Variants in CD163L1 observed in about 807,000 individuals in gnomAD.
The protein encoded by CD163L1 is CD163 molecule like 1, also known as scavenger receptor cysteine-rich type 1 protein M160.
A neutral mutation model predicts 165.4 loss-of-function variants in CD163L1; 124 were observed. The observed-to-expected ratio is 0.75, with a 90% CI of 0.65 to 0.87. The LOEUF is 0.87. CD163L1 is among the 40% of genes least tolerant of loss of function. The pLI, the probability that CD163L1 is intolerant of heterozygous loss-of-function variation, is 0.00. For synonymous variants in CD163L1, 585 were observed against 662.2 expected, an observed-to-expected ratio of 0.88 and a Z score of 1.79; for missense variants, 1,525 against 1,799.9, an observed-to-expected ratio of 0.85 and a Z score of 2.76.
chr12:7,374,362 C>T lies in CD163L1; in HGVS notation c.3409+80G>A. 1.4e-6 allele frequency: 2 copies of T among 1,438,238 alleles called. No homozygotes were observed. The allele number at this position is 1,438,238 out of a possible 1,614,324, so 89.1% of individuals were successfully genotyped here. A position where few individuals can be genotyped will look rare whatever the true frequency, so the allele number is the denominator to read the frequency against. ...GTATTCCTAGGCCATACACTTTTCA[C>T]TACACTTTACAATTGTGTTGTGTGT... On this transcript the variant is annotated intron_variant, in intron 13 of 19. Coordinates refer to ENST00000313599, the MANE Select transcript of CD163L1 (RefSeq NM_174941.6). This position sits in a 1 kb window ranked among gnomAD's most constrained non-coding sequence, Gnocchi z 5.4.
At chr12:7,421,510 TATACATATATGTACATATATACATATAC>T (rs1948413479) in intron 4 of CD163L1, among the ~76,000 whole-genome samples, 1 of 127,308 alleles carries the variant, frequency 7.9e-6, no homozygotes, top group Non-Finnish European at 1.6e-5. Flanking sequence ...TACATATACA[TATACATATATGTACATATATACATATAC>T]GTACACATAT....
Position 7,433,550 on chromosome 12 carries a change from C to G in CD163L1, c.269G>C (p.Gly90Ala), listed in dbSNP as rs748137819. 1 of 1,614,126 alleles carries G rather than the reference C, an allele frequency of 6.2e-7. No individual in the cohort carries two copies. The highest frequency in any genetic ancestry group is 2.2e-5 in the East Asian group (1 of 44,890). ...TASTVVCKQL[G>A]CPFSFAMFRF... ...AAACATGGCGAAAGAAAATGGACAT[C>G]CAAGCTGTTTGCACACGACAGTTGA... The change falls in exon 3 of 20, where the codon GGA (glycine) becomes GCA (alanine). Residue 90 changes from glycine (G) to alanine (A), a missense_variant. By Grantham distance (60) the Gly-to-Ala change is moderately conservative. Transcript: ENST00000313599.
At chr12:7,352,070 A>C (rs948326252), downstream of CD163L1, among the ~76,000 whole-genome samples, 1 of 152,188 alleles carries the variant, frequency 6.6e-6, no homozygotes, top group Non-Finnish European at 1.5e-5. Flanking sequence ...GAATGGATTT[A>C]AAAATAACTT....
Position 7,406,834 on chromosome 12 carries a change from A to G in CD163L1, c.785T>C (p.Leu262Pro). ...LTCYDSSDLELRLVGGTNRCM... is the reference protein window; with the variant it reads ...LTCYDSSDLEPRLVGGTNRCM... The stretch of plus-strand genomic sequence containing the variant: ...GCGGTTAGTTCCACCTACAAGCCTT[A>G]GTTCAAGATCACTACTATCTGAAAC... Residue 262 changes from leucine to proline, a missense_variant, in exon 5 of 20, where the codon CTA becomes CCA. By Grantham distance (98) the Leu-to-Pro change is moderately conservative. Coordinates refer to ENST00000313599, the MANE Select transcript of CD163L1 (RefSeq NM_174941.6). The G allele has an allele frequency of 3.1e-6, 5 of 1,614,000 alleles. No individual in the cohort carries two copies. The highest frequency in any genetic ancestry group is 4.2e-6 in the Non-Finnish European group (5 of 1,179,954).
rs898721859 is a variant in CD163L1, at chr12:7,396,132, G to C, written c.2013C>G (p.Asp671Glu). ...CTCCAACATCTTCACTGTGACTGCA[G>C]TCATTATTTCCCCACCCACTGTTCC... ...SCRNSGWGNN[D>E]CSHSEDVGVI... is the part of the protein sequence containing the mutation. Residue 671 changes from aspartate (D) to glutamate (E), a missense_variant, in exon 8 of 20, where the codon GAC becomes GAG. Transcript: ENST00000313599. 1 of 1,613,946 alleles carries C rather than the reference G, an allele frequency of 6.2e-7. No homozygotes were observed. Among genetic ancestry groups the C allele is most frequent in the African/African-American group, 1.3e-5 (1 of 74,910 alleles).
chr12:7,363,799 A>AC (rs1167354701), intron 18 of CD163L1, among the ~76,000 whole-genome samples: 1 of 150,996 alleles, frequency 6.6e-6, no homozygotes, highest in African/African-American at 2.4e-5. Flanking sequence ...AGAAAAAAAA[A>AC]AACCTCTCAC....
intron 18 of CD163L1, among the ~76,000 whole-genome samples, chr12:7,359,107 A>G (rs955132142): frequency 4.6e-5 from 7 of 152,128 alleles, no homozygotes; most frequent in African/African-American, 1.7e-4. Flanking sequence ...TGAAAGAACT[A>G]CAAAAGATGT....
chr12:7,362,006 G>A (rs1044284300), intron 18 of CD163L1, among the ~76,000 whole-genome samples: 4 of 151,308 alleles, frequency 2.6e-5, no homozygotes, highest in Non-Finnish European at 4.4e-5. Flanking sequence ...GAATCATGTA[G>A]TATTTATCTT....
the CD163L1 span, chr12:7,320,695 C>T: frequency 1.3e-6 from 2 of 1,583,132 alleles, no homozygotes; most frequent in South Asian, 2.2e-5. Flanking sequence ...ATGACCACTT[C>T]TGACATCTGT....
the CD163L1 span, among the ~76,000 whole-genome samples, chr12:7,326,079 G>C: frequency 3.3e-5 from 5 of 152,158 alleles, no homozygotes; most frequent in Non-Finnish European, 7.3e-5. Flanking sequence ...TATAAATTAT[G>C]CTTACTAACC....
rs763857704 is a variant in CD163L1 at position 7,368,998 on chromosome 12, TGAACGAAAAG to T, written c.4040-43_4040-34del. On this transcript the variant is annotated intron_variant, in intron 15 of 19. Coordinates refer to ENST00000313599, the MANE Select transcript of CD163L1 (RefSeq NM_174941.6). The surrounding 1 kb of genome is among the most constrained non-coding windows in gnomAD (Gnocchi z 4.3). ...AGAGAGAGAGAGAGAGAGACGTAAATGAACGAAAAGGAACTGGGTATTTCTTTTTACATCT... is the reference window on the plus strand; with the variant it reads ...AGAGAGAGAGAGAGAGAGACGTAAATGAACTGGGTATTTCTTTTTACATCT... 3.7e-6 allele frequency: 6 copies of T among 1,603,826 alleles called. No individual in the cohort carries two copies. The highest frequency in any genetic ancestry group is 2.7e-5 in the African/African-American group (2 of 74,566).
Position 7,375,944 on chromosome 12 carries a change from G to A in CD163L1, c.2442C>T (p.Asp814=), listed in dbSNP as rs759224747. ...CAGAATCACAGACAGAGCGCCATGT[G>A]TCTGCATGTTTCACTTCAACACGTC... is the stretch of plus-strand genomic sequence containing the variant. ...CSGRVEVKHA[D]TWRSVCDSDF... The change falls in exon 10 of 20, where the codon GAC becomes GAT. Residue 814 remains aspartate (D), a synonymous_variant. Coordinates refer to ENST00000313599, the MANE Select transcript of CD163L1 (RefSeq NM_174941.6). 12 of 1,614,242 alleles carry A rather than the reference G, an allele frequency of 7.4e-6. No individual in the cohort carries two copies. Among genetic ancestry groups the A allele is most frequent in the Non-Finnish European group, 1.0e-5 (12 of 1,180,042 alleles).
Position 7,369,376 on chromosome 12 carries a change from A to T in CD163L1, c.4020T>A (p.Asp1340Glu), listed in dbSNP as rs371864155. 8.1e-6 allele frequency: 13 copies of T among 1,613,962 alleles called. No individual in the cohort carries two copies. In the African/African-American group the frequency reaches 1.7e-4, roughly 22 times the overall value. The change falls in exon 15 of 20, where the codon GAT (aspartate) becomes GAA (glutamate). Residue 1340 changes from aspartate (D) to glutamate (E), a missense_variant. By Grantham distance (45) the Asp-to-Glu change is conservative. Coordinates refer to ENST00000313599, the MANE Select transcript of CD163L1 (RefSeq NM_174941.6). This position sits in a 1 kb window ranked among gnomAD's most constrained non-coding sequence, Gnocchi z 4.9. ...WGQSDCGHKE[D>E]AGVRCSGQSL... ...ACTTACCAGAGCACCTCACGCCAGC[A>T]TCTTCCTTGTGTCCACAGTCACTCT...
At chr12:7,438,795 T>G (rs1948773862) in intron 2 of CD163L1, 1 of 1,500,522 alleles carries the variant, frequency 6.7e-7, no homozygotes, top group Non-Finnish European at 9.1e-7. Flanking sequence ...GCTGAGTCCA[T>G]GGACCAGAGG....
chr12:7,427,755 C>A (rs1355860466), intron 4 of CD163L1, among the ~76,000 whole-genome samples: 1 of 152,102 alleles, frequency 6.6e-6, no homozygotes, highest in Non-Finnish European at 1.5e-5. Context: ...GTGAACCTAA[C>A]AATCCATTCC....
the CD163L1 span, chr12:7,320,634 A>T: frequency 9.4e-7 from 1 of 1,068,328 alleles, no homozygotes; most frequent in Non-Finnish European, 1.4e-6. Flanking sequence ...GGCACATATT[A>T]ATGGAAGAAA....
chr12:7,412,839 G>GT (rs1948162814), intron 4 of CD163L1, among the ~76,000 whole-genome samples: 1 of 152,094 alleles, frequency 6.6e-6, no homozygotes, highest in Admixed American at 6.6e-5. Flanking sequence ...GCTCACACCT[G>GT]TAATCCAAGC....
At chr12:7,327,955 C>A in the CD163L1 span, among the ~76,000 whole-genome samples, 277 of 152,158 alleles carry the variant, frequency 1.8e-3, no homozygotes, top group Non-Finnish European at 2.9e-3. Context: ...AAGAACTGTT[C>A]TTTTTGTATT....
At position 7,379,294 on chromosome 12, in the gene CD163L1, T is replaced by C; in HGVS notation, c.2055A>G (p.Ala685=). The C allele has an allele frequency of 6.2e-7, 1 of 1,613,642 alleles. No individual in the cohort carries two copies. The highest frequency in any genetic ancestry group is 8.5e-7 in the Non-Finnish European group (1 of 1,179,660). Residue 685 remains alanine (A), a synonymous_variant, in exon 9 of 20, where the codon GCA becomes GCG. Transcript: ENST00000313599. ...SEDVGVICSD[A]SDMELRLVGG... ...CCACAAGCCTCAGCTCCATATCCGA[T>C]GCATCTGAAACCAAATACCACAATG... is the stretch of plus-strand genomic sequence containing the variant.
Sources: allele counts gnomAD v4.1 joint callset (sites outside exome capture counted in the v4.1 genomes callset), GRCh38; gene constraint gnomAD v4.1.1; non-coding constraint Gnocchi (gnomAD v3.1); transcripts MANE v1.5; gene names NCBI Gene and HGNC (gene_info 2026-07-23, HGNC 2026-07-21).